DOCK3: variants seen among roughly 807,000 people sequenced by gnomAD.
The protein encoded by DOCK3 is dedicator of cytokinesis 3.
DOCK3 carries 60 observed loss-of-function variants against 265.6 expected under a neutral mutation model. The observed-to-expected ratio is 0.23, with a 90% CI of 0.18 to 0.28. The LOEUF (loss-of-function observed/expected upper bound fraction) is 0.28. Ranked by LOEUF, DOCK3 falls within the 10% of genes least tolerant of loss-of-function variation. The pLI, the probability that DOCK3 is intolerant of heterozygous loss-of-function variation, is 1.00. For missense variants in DOCK3, 1,981 were observed against 2,594.3 expected (o/e 0.76, Z 5.14); for synonymous variants, 881 against 938.0 (o/e 0.94, Z 1.11).
chr3:51,135,269 C>G (rs1389086290), intron 9 of DOCK3, among the ~76,000 whole-genome samples: 2 of 152,218 alleles, frequency 1.3e-5, no homozygotes, highest in Non-Finnish European at 2.9e-5. Flanking sequence ...ATATATCTCA[C>G]ATCCATTCAC....
intron 7 of DOCK3, among the ~76,000 whole-genome samples, chr3:51,087,356 A>C (rs2082464804): frequency 6.6e-6 from 1 of 152,268 alleles, no homozygotes; most frequent in Non-Finnish European, 1.5e-5. Context: ...AGTGTGATAC[A>C]TCACATTGAC....
intron 7 of DOCK3, among the ~76,000 whole-genome samples, chr3:51,080,205 T>A (rs1463299759): frequency 6.6e-6 from 1 of 152,242 alleles, no homozygotes; most frequent in Non-Finnish European, 1.5e-5. Flanking sequence ...CAAAGCTGCA[T>A]AGTTTCTTTC....
At chr3:50,744,333 A>G (rs1387731371) in intron 1 of DOCK3, among the ~76,000 whole-genome samples, 2 of 151,998 alleles carry the variant, frequency 1.3e-5, no homozygotes, top group Non-Finnish European at 2.9e-5. Context: ...TAACTTAGAA[A>G]CCATTTCCAA....
chr3:50,829,047 T>G (rs1459053992), intron 2 of DOCK3, among the ~76,000 whole-genome samples: 4 of 152,172 alleles, frequency 2.6e-5, no homozygotes, highest in South Asian at 2.1e-4. Context: ...TTACCATGCT[T>G]TTACATGGTT....
chr3:50,827,792 T>C (rs1459634664), intron 2 of DOCK3, among the ~76,000 whole-genome samples: 1 of 152,106 alleles, frequency 6.6e-6, no homozygotes, highest in Non-Finnish European at 1.5e-5. Context: ...TGGTCCTTGT[T>C]TTCTTTTTGT....
chr3:50,838,098 A>C (rs2045616117), intron 2 of DOCK3, among the ~76,000 whole-genome samples: 1 of 152,178 alleles, frequency 6.6e-6, no homozygotes. Flanking sequence ...TTTCATTTCC[A>C]TTCATTTGGG....
chr3:51,280,419 C>T (rs531682165), intron 27 of DOCK3, among the ~76,000 whole-genome samples: 7 of 152,258 alleles, frequency 4.6e-5, no homozygotes, highest in African/African-American at 1.7e-4. Flanking sequence ...CCAAGTTTTC[C>T]TTGACTATTA....
intron 6 of DOCK3, among the ~76,000 whole-genome samples, chr3:51,068,613 C>T (rs1462967610): frequency 6.6e-6 from 1 of 150,442 alleles, no homozygotes; most frequent in African/African-American, 2.4e-5. Flanking sequence ...CTCTGTTTAC[C>T]CATTGAGGAA....
intron 4 of DOCK3, among the ~76,000 whole-genome samples, chr3:50,913,426 G>A (rs2049963371): frequency 6.6e-6 from 1 of 151,970 alleles, no homozygotes; most frequent in Non-Finnish European, 1.5e-5. Context: ...CTAGGGGAGG[G>A]GTGATGTCAG....
chr3:51,366,159 T>A (rs2087143232), intron 49 of DOCK3, among the ~76,000 whole-genome samples: 1 of 152,228 alleles, frequency 6.6e-6, no homozygotes, highest in South Asian at 2.1e-4. Flanking sequence ...TTGCCTCAAT[T>A]TCAGAACCAG....
chr3:50,680,441 T>TGACC (rs745802076), intron 1 of DOCK3, among the ~76,000 whole-genome samples: 26 of 151,116 alleles, frequency 1.7e-4, no homozygotes, highest in East Asian at 5.9e-4. Flanking sequence ...CTCGAGCTCC[T>TGACC]GACCTCAAGT....
chr3:51,267,350 A>G (rs185570278), intron 23 of DOCK3, among the ~76,000 whole-genome samples: 7 of 151,898 alleles, frequency 4.6e-5, no homozygotes, highest in East Asian at 3.9e-4. Flanking sequence ...TCATTCTACT[A>G]TAAAGACACA....
chr3:50,752,507 C>CAA (rs1225389276), intron 1 of DOCK3, among the ~76,000 whole-genome samples: 2 of 30,004 alleles, frequency 6.7e-5, no homozygotes, highest in African/African-American at 1.7e-4. Flanking sequence ...GAGTCCGTCT[C>CAA]AAAAAAAAAA....
At chr3:50,864,800 A>G (rs1282598013) in intron 3 of DOCK3, among the ~76,000 whole-genome samples, 6 of 151,866 alleles carry the variant, frequency 4.0e-5, no homozygotes, top group East Asian at 1.9e-4. Context: ...CTATTGATCT[A>G]TGTGTGTTTT....
chr3:50,703,449 T>G (rs745613221), intron 1 of DOCK3, among the ~76,000 whole-genome samples: 3 of 152,180 alleles, frequency 2.0e-5, no homozygotes, highest in Non-Finnish European at 4.4e-5. Context: ...AATTTAGCAG[T>G]AAAGCCATTG....
At chr3:51,067,456 T>TGTGTGTGTGTGCGC (rs1553750450) in intron 6 of DOCK3, among the ~76,000 whole-genome samples, 93 of 150,332 alleles carry the variant, frequency 6.2e-4, no homozygotes, top group African/African-American at 2.2e-3. Context: ...TGTGTGTGTG[T>TGTGTGTGTGTGCGC]GCGCGCGCGT....
intron 10 of DOCK3, among the ~76,000 whole-genome samples, chr3:51,158,042 C>T (rs759000202): frequency 1.3e-5 from 2 of 151,664 alleles, no homozygotes; most frequent in East Asian, 1.9e-4. Flanking sequence ...TTCCTAGAAG[C>T]GAAAGGGAGA....
At chr3:50,713,604 G>A (rs752944976) in intron 1 of DOCK3, among the ~76,000 whole-genome samples, 2 of 151,814 alleles carry the variant, frequency 1.3e-5, no homozygotes, top group Non-Finnish European at 2.9e-5. Flanking sequence ...TATGGTGGTG[G>A]CACAAGAAAA....
At chr3:50,981,931 C>G (rs144333449) in intron 5 of DOCK3, among the ~76,000 whole-genome samples, 1 of 152,268 alleles carries the variant, frequency 6.6e-6, no homozygotes, top group African/African-American at 2.4e-5. Flanking sequence ...CTCACTGCAA[C>G]CTCTGCCTTC....
Sources: allele counts gnomAD v4.1 joint callset (sites outside exome capture counted in the v4.1 genomes callset), GRCh38; gene constraint gnomAD v4.1.1; transcripts MANE v1.5; gene names NCBI Gene and HGNC (gene_info 2026-07-23, HGNC 2026-07-21).